The following PECAM1 variants were observed in gnomAD, a reference collection of about 807,000 sequenced individuals.
PECAM1 encodes the protein platelet endothelial cell adhesion molecule.
PECAM1 carries 8 observed loss-of-function variants against 13.8 expected under a neutral mutation model. The ratio of observed to expected loss-of-function variants is 0.58; its 90% CI spans 0.34 to 1.05. The LOEUF is 1.05. Ranked by LOEUF, PECAM1 falls within the 50% of genes least tolerant of loss-of-function variation. PECAM1 has a pLI of 0.03. For missense variants in PECAM1, 304 were observed against 141.2 expected (o/e 2.15, Z -5.84); for synonymous variants, 136 against 52.6 (o/e 2.58, Z -6.86).
At chr17:64,353,178 T>C (rs2035766753) in intron 10 of PECAM1, among the ~76,000 whole-genome samples, 1 of 152,082 alleles carries the variant, frequency 6.6e-6, no homozygotes, top group Non-Finnish European at 1.5e-5. Flanking sequence ...TTTTAAAAAA[T>C]TTATCTACTA....
At chr17:64,360,814 A>ATATGTG (rs2035956364) in intron 6 of PECAM1, among the ~76,000 whole-genome samples, 1 of 141,332 alleles carries the variant, frequency 7.1e-6, no homozygotes, top group African/African-American at 2.6e-5. Context: ...AGCCAACAAA[A>ATATGTG]TGTGTGTGTG....
chr17:64,329,921 A>G (rs1023179693), intron 14 of PECAM1, among the ~76,000 whole-genome samples, 199 bp from the exon 15 acceptor site: 10 of 152,052 alleles, frequency 6.6e-5, no homozygotes, highest in Non-Finnish European at 1.2e-4. Flanking sequence ...GCTCCACATG[A>G]CATGCGCATA....
chr17:64,358,921 C>T (rs2035909376), intron 7 of PECAM1, among the ~76,000 whole-genome samples: 1 of 151,858 alleles, frequency 6.6e-6, no homozygotes, highest in South Asian at 2.1e-4. Flanking sequence ...CTCAGCCTCC[C>T]GAGTAGCTGG....
intron 7 of PECAM1, among the ~76,000 whole-genome samples, chr17:64,358,230 C>T (rs1364348190): frequency 2.0e-5 from 3 of 147,636 alleles, no homozygotes; most frequent in Non-Finnish European, 4.5e-5. Context: ...GTGATTCTCC[C>T]ACCTCAGCCA....
intron 7 of PECAM1, among the ~76,000 whole-genome samples, chr17:64,358,780 C>T (rs2035905189): frequency 6.6e-6 from 1 of 151,722 alleles, no homozygotes; most frequent in Non-Finnish European, 1.5e-5. Flanking sequence ...CCATTAGGTG[C>T]TTAGTCTATG....
intron 2 of PECAM1, among the ~76,000 whole-genome samples, chr17:64,385,073 A>T (rs894447293): frequency 2.6e-5 from 4 of 152,172 alleles, no homozygotes; most frequent in African/African-American, 9.7e-5. Flanking sequence ...ATTGTGTGCA[A>T]ATGTGTGCTT....
At chr17:64,388,603 A>C (rs1046925813) in intron 2 of PECAM1, among the ~76,000 whole-genome samples, 12 of 152,204 alleles carry the variant, frequency 7.9e-5, no homozygotes, top group Non-Finnish European at 1.6e-4. Flanking sequence ...AGCTTCAGAG[A>C]GTGGAAGTTC....
intron 2 of PECAM1, among the ~76,000 whole-genome samples, chr17:64,385,349 C>A (rs1012954646): frequency 1.3e-5 from 2 of 152,240 alleles, no homozygotes; most frequent in Admixed American, 6.5e-5. Flanking sequence ...TGGAAACATG[C>A]GGCACCATCA....
At chr17:64,352,959 C>T (rs1375723373) in intron 10 of PECAM1, among the ~76,000 whole-genome samples, 2 of 152,026 alleles carry the variant, frequency 1.3e-5, no homozygotes, top group Non-Finnish European at 2.9e-5. Flanking sequence ...GGTGATAAAA[C>T]TTTTTCCTAT....
chr17:64,353,449 G>T lies in PECAM1; in HGVS notation c.1916+42C>A, dbSNP rs1383233748. The T allele has an allele frequency of 3.0e-5, 14 of 459,590 alleles. No individual in the cohort carries two copies. In the East Asian group the frequency reaches 4.5e-4, roughly 15 times the overall value. 28.5% of individuals were successfully genotyped at this position (459,590 alleles called of 1,614,324 possible). On this transcript the variant is annotated intron_variant, in intron 10 of 15. Transcript: ENST00000563924. ...GAATCTCCCTCCAGACATGTCCACCGTGCTCACAGAGCAGCCGCCCCCTTC... is the reference window on the plus strand; with the variant it reads ...GAATCTCCCTCCAGACATGTCCACCTTGCTCACAGAGCAGCCGCCCCCTTC...
chr17:64,321,319 G>A lies in PECAM1; in HGVS notation c.*2497C>T, dbSNP rs2034807312. The stretch of plus-strand genomic sequence containing the variant: ...GGATGCTTCAGGTTTAGACACCGGG[G>A]TTACGGCAGCTGCCGAGGAAGGCTA... On this transcript the variant is annotated 3_prime_UTR_variant, in exon 16 of 16. Transcript: ENST00000563924. 1 of 554,268 alleles carries A rather than the reference G, an allele frequency of 1.8e-6. No homozygotes were observed. The highest frequency in any genetic ancestry group is 1.4e-4 in the East Asian group (1 of 6,904). 34.3% of individuals were successfully genotyped at this position (554,268 alleles called of 1,614,324 possible). A position where few individuals can be genotyped will look rare whatever the true frequency, so the allele number is the denominator to read the frequency against.
intron 15 of PECAM1, among the ~76,000 whole-genome samples, chr17:64,328,303 C>A (rs1282247122): frequency 6.6e-6 from 1 of 152,240 alleles, no homozygotes; most frequent in African/African-American, 2.4e-5. Flanking sequence ...GCAAAGACCT[C>A]ATTTTCCACT....
At chr17:64,335,891 G>A (rs2035264362) in intron 14 of PECAM1, among the ~76,000 whole-genome samples, 1 of 152,170 alleles carries the variant, frequency 6.6e-6, no homozygotes, top group African/African-American at 2.4e-5. Flanking sequence ...TACAGAGGTG[G>A]AATAATATCC....
intron 13 of PECAM1, among the ~76,000 whole-genome samples, chr17:64,344,707 C>A (rs2035520746): frequency 6.6e-5 from 10 of 152,120 alleles, no homozygotes. Flanking sequence ...TAATACCTGG[C>A]TCTCCACCCA....
At chr17:64,371,006 G>A (rs1226361431) in intron 4 of PECAM1, among the ~76,000 whole-genome samples, 1 of 152,108 alleles carries the variant, frequency 6.6e-6, no homozygotes, top group Non-Finnish European at 1.5e-5. Flanking sequence ...AAAGGGGAAG[G>A]CATCCTTTAC....
At chr17:64,360,526 T>C in intron 6 of PECAM1, 111 bp from the exon 7 acceptor site, 1 of 407,876 alleles carries the variant, frequency 2.5e-6, no homozygotes. Context: ...CCTGCTGTAA[T>C]TTCAAATGCC....
In PECAM1 at chr17:64,323,762, T is replaced by G; in HGVS notation, c.*54A>C. The stretch of plus-strand genomic sequence containing the variant: ...GAGGTCTTGAAATACAGGGATTATC[T>G]GTTCTTCTCGGAACATGGATGTCCT... On this transcript the variant is annotated 3_prime_UTR_variant, in exon 16 of 16. Coordinates refer to ENST00000563924, the MANE Select transcript of PECAM1 (RefSeq NM_000442.5). The G allele has an allele frequency of 8.5e-7, 1 of 1,178,792 alleles. No individual in the cohort carries two copies. Among genetic ancestry groups the G allele is most frequent in the Non-Finnish European group, 1.3e-6 (1 of 783,014 alleles). The allele number at this position is 1,178,792 out of a possible 1,614,324, so 73.0% of individuals were successfully genotyped here. A position where few individuals can be genotyped will look rare whatever the true frequency, so the allele number is the denominator to read the frequency against.
At chr17:64,346,076 C>T (rs902402191) in intron 13 of PECAM1, among the ~76,000 whole-genome samples, 89 of 152,214 alleles carry the variant, frequency 5.8e-4, no homozygotes, top group African/African-American at 2.1e-3. Flanking sequence ...GAAAACTGCA[C>T]GCATTCAGCC....
rs2041841460 is a variant in PECAM1 at position 64,322,712 on chromosome 17, A to T, written c.*1104T>A. 2 of 954,364 alleles carry T rather than the reference A, an allele frequency of 2.1e-6. No homozygotes were observed. Among genetic ancestry groups the T allele is most frequent in the Non-Finnish European group, 2.5e-6 (2 of 816,174 alleles). 59.1% of individuals were successfully genotyped at this position (954,364 alleles called of 1,614,324 possible). A position where few individuals can be genotyped will look rare whatever the true frequency, so the allele number is the denominator to read the frequency against. On this transcript the variant is annotated 3_prime_UTR_variant, in exon 16 of 16. Transcript: ENST00000563924. ...TCAGGAGACCACTTCTTTAGCAAGCAATTTTGTTTTTTGTTTTTTTTGAGA... is the reference window on the plus strand; with the variant it reads ...TCAGGAGACCACTTCTTTAGCAAGCTATTTTGTTTTTTGTTTTTTTTGAGA...
Sources: gnomAD v4.1 joint callset for allele counts (sites outside exome capture counted in the v4.1 genomes callset) on GRCh38, gnomAD v4.1.1 for gene constraint, MANE v1.5 for transcripts, NCBI Gene and HGNC (gene_info 2026-07-23, HGNC 2026-07-21) for gene names.